PCDHA9: variants seen among roughly 807,000 people sequenced by gnomAD.
PCDHA9 encodes the protein protocadherin alpha-9.
A neutral mutation model predicts 62.0 loss-of-function variants in PCDHA9; 62 were observed. The observed-to-expected ratio is 1.00, with a 90% CI of 0.81 to 1.23. The LOEUF (loss-of-function observed/expected upper bound fraction) is 1.23, where lower values mean the gene tolerates loss of function less well. Ranked by LOEUF, PCDHA9 falls within the 50% of genes most tolerant of loss-of-function variation. The pLI is 0.00. For synonymous variants in PCDHA9, 557 were observed against 567.6 expected (o/e 0.98, Z 0.27); for missense variants, 1,205 against 1,249.8 (o/e 0.96, Z 0.54).
Position 141,007,401 on chromosome 5 carries a change from A to G in PCDHA9, c.2543-2226A>G, listed in dbSNP as rs981008239. On this transcript the variant is annotated intron_variant, in intron 3 of 3. Coordinates refer to ENST00000532602, the MANE Select transcript of PCDHA9 (RefSeq NM_031857.2). Reference sequence around the variant, plus strand: ...CACCATCTCTACTAAAATACAAAAAAAAAAAAAAAAAAAAAAATTAGCCAG... The same window carrying G: ...CACCATCTCTACTAAAATACAAAAAGAAAAAAAAAAAAAAAAATTAGCCAG... Among the ~76,000 whole-genome samples the G allele has an allele frequency of 7.4e-4, 110 of 149,582 alleles. 1 individual carries two copies. Among genetic ancestry groups the G allele is most frequent in the Non-Finnish European group, 9.7e-4 (65 of 67,302 alleles).
chr5:140,850,279 G>A lies in PCDHA9; in HGVS notation c.1784G>A (p.Arg595His), dbSNP rs140634296. The change falls in exon 1 of 4, where the codon CGC becomes CAC. Residue 595 changes from arginine to histidine, a missense_variant. This residue lies in a region of PCDHA9 where 887 missense variants were observed against 809.5 expected (regional missense o/e 1.10). Coordinates refer to ENST00000532602, the MANE Select transcript of PCDHA9 (RefSeq NM_031857.2). ...GCCGGCGTAGTGGTGGGGAAGGTGC[G>A]CGCAGTGGACGCCGACTCGGGCTAC... ...VGAGVVVGKV[R>H]AVDADSGYNA... The A allele has an allele frequency of 3.4e-5, 54 of 1,595,452 alleles. 4 individuals carry two copies. The highest frequency in any genetic ancestry group is 4.5e-5 in the Non-Finnish European group (53 of 1,167,590).
chr5:141,000,615 A>G (rs2097951954), intron 3 of PCDHA9, among the ~76,000 whole-genome samples: 1 of 150,870 alleles, frequency 6.6e-6, no homozygotes, highest in South Asian at 2.1e-4. Context: ...TTTAGTAGAG[A>G]CAGGGTTTCA....
chr5:140,859,450 G>T, intron 1 of PCDHA9: 1 of 220,914 alleles, frequency 4.5e-6, no homozygotes, highest in Non-Finnish European at 8.7e-6. Context: ...TAGTTGCAGA[G>T]TGACAAAACT....
chr5:140,848,947 G>T lies in PCDHA9; in HGVS notation c.452G>T (p.Arg151Leu), dbSNP rs201305186. ...FIAESRPLDS[R>L]FPLEGASDAD... ...GCGGAATCCAGGCCGCTTGACTCTC[G>T]GTTTCCACTAGAGGGCGCGTCCGAT... is the stretch of plus-strand genomic sequence containing the variant. The change falls in exon 1 of 4, where the codon CGG becomes CTG. Residue 151 changes from arginine to leucine, a missense_variant. By Grantham distance (102) the Arg-to-Leu change is moderately radical. Coordinates refer to ENST00000532602, the MANE Select transcript of PCDHA9 (RefSeq NM_031857.2). 2.7e-4 allele frequency: 426 copies of T among 1,606,834 alleles called. 2 individuals are homozygous for T. The highest frequency in any genetic ancestry group is 3.5e-4 in the Non-Finnish European group (408 of 1,176,678).
chr5:140,882,438 C>A lies in PCDHA9; in HGVS notation c.2394+31549C>A, dbSNP rs782795158. On this transcript the variant is annotated intron_variant, in intron 1 of 3. Coordinates refer to ENST00000532602, the MANE Select transcript of PCDHA9 (RefSeq NM_031857.2). ...GCTCAGGACCTGGGGCTGGAGCTGG[C>A]GGAGCTGGTGCCGCGCCTGTTCCGG... 3.1e-6 allele frequency: 5 copies of A among 1,613,902 alleles called. No individual in the cohort carries two copies. In the Admixed American group the frequency reaches 5.0e-5, roughly 16 times the overall value.
chr5:140,997,559 T>C (rs550494855), intron 3 of PCDHA9, among the ~76,000 whole-genome samples: 9 of 152,148 alleles, frequency 5.9e-5, no homozygotes, highest in Non-Finnish European at 1.3e-4. Context: ...ACAGGACAAC[T>C]GTCATATGTG....
chr5:140,992,017 C>CTG (rs10602499), intron 3 of PCDHA9, among the ~76,000 whole-genome samples: 19,643 of 145,468 alleles, frequency 0.14, 1,328 homozygotes, highest in East Asian at 0.18. Flanking sequence ...AGAGGTGGCT[C>CTG]TGTGTGTGTG....
chr5:140,848,761 G>C lies in PCDHA9; in HGVS notation c.266G>C (p.Arg89Pro), dbSNP rs200597765. 1.3e-5 allele frequency: 21 copies of C among 1,593,458 alleles called. No individual in the cohort carries two copies. In the South Asian group the frequency reaches 2.2e-4, roughly 17 times the overall value. Residue 89 changes from arginine (R) to proline (P), a missense_variant, in exon 1 of 4, where the codon CGG becomes CCG. Coordinates refer to ENST00000532602, the MANE Select transcript of PCDHA9 (RefSeq NM_031857.2). The part of the protein sequence containing the change: ...LQNGILFVNS[R>P]IDREELCGRS... Reference sequence around the variant, plus strand: ...AATGGCATTTTGTTTGTGAATTCTCGGATCGACCGCGAGGAGCTGTGCGGG... The same window carrying C: ...AATGGCATTTTGTTTGTGAATTCTCCGATCGACCGCGAGGAGCTGTGCGGG...
At chr5:140,856,818 A>G in intron 1 of PCDHA9, 1 of 1,593,074 alleles carries the variant, frequency 6.3e-7, no homozygotes, top group Non-Finnish European at 8.6e-7. Flanking sequence ...CAAGTGAACC[A>G]AACATTAGTA....
At chr5:140,901,278 A>AT (rs1554189713) in intron 1 of PCDHA9, among the ~76,000 whole-genome samples, 2 of 152,102 alleles carry the variant, frequency 1.3e-5, no homozygotes, top group Non-Finnish European at 2.9e-5. Context: ...TACTCAAGAA[A>AT]TTTTTGCCCA....
chr5:141,003,684 A>C (rs1425078507), intron 3 of PCDHA9, among the ~76,000 whole-genome samples: 1 of 152,240 alleles, frequency 6.6e-6, no homozygotes, highest in Non-Finnish European at 1.5e-5. Flanking sequence ...TTCTGATTTT[A>C]AAATATATCC....
intron 1 of PCDHA9, chr5:140,853,184 T>G (rs1229624873): frequency 1.0e-6 from 1 of 977,906 alleles, no homozygotes; most frequent in East Asian, 1.1e-4. Context: ...TGGCCTAAAA[T>G]GTGTTCTTTA....
rs145919251 is a variant in PCDHA9, at chr5:140,979,502, C to T, written c.2453+495C>T. On this transcript the variant is annotated intron_variant, in intron 2 of 3. Coordinates refer to ENST00000532602, the MANE Select transcript of PCDHA9 (RefSeq NM_031857.2). Reference sequence around the variant, plus strand: ...GTGTTCACACCTATTAGAGCCTCCTCATCTTTCCCATCTGTTGCTATCTTA... The same window carrying T: ...GTGTTCACACCTATTAGAGCCTCCTTATCTTTCCCATCTGTTGCTATCTTA... 1.1e-3 allele frequency among the ~76,000 whole-genome samples: 170 copies of T among 152,258 alleles called. 4 individuals are homozygous for T. In the East Asian group the frequency reaches 0.028, roughly 25 times the overall value.
intron 1 of PCDHA9, chr5:140,883,741 C>T (rs2153397240): frequency 6.2e-7 from 1 of 1,613,386 alleles, no homozygotes; most frequent in Non-Finnish European, 8.5e-7. Context: ...CGCTGGTCTC[C>T]TACTCGCTGG....
chr5:140,867,619 C>T (rs1554161426), intron 1 of PCDHA9: 3 of 152,174 alleles, frequency 2.0e-5, no homozygotes, highest in South Asian at 4.1e-4. Flanking sequence ...AACTATAGAA[C>T]AAAATATTTA....
At chr5:140,913,028 T>C (rs1483903035) in intron 1 of PCDHA9, among the ~76,000 whole-genome samples, 1 of 152,232 alleles carries the variant, frequency 6.6e-6, no homozygotes, top group Non-Finnish European at 1.5e-5. Flanking sequence ...TCAATATTCA[T>C]CAGATATATT....
rs781902121 is a variant in PCDHA9 at position 140,870,112 on chromosome 5, G to A, written c.2394+19223G>A. The A allele has an allele frequency of 1.2e-6, 2 of 1,613,938 alleles. No individual in the cohort carries two copies. The highest frequency in any genetic ancestry group is 8.5e-7 in the Non-Finnish European group (1 of 1,179,896). ...AATGGCAGGTCACTGTACAGTCTGG[G>A]TGGAAATCTTGGACACCAACGATAA... On this transcript the variant is annotated intron_variant, in intron 1 of 3. Coordinates refer to ENST00000532602, the MANE Select transcript of PCDHA9 (RefSeq NM_031857.2).
intron 1 of PCDHA9, among the ~76,000 whole-genome samples, chr5:140,969,974 A>G (rs11750201): frequency 0.017 from 2,514 of 152,228 alleles, 25 homozygotes; most frequent in Middle Eastern, 0.037. Flanking sequence ...TGATGTGGCA[A>G]CTCTTCTGTA....
intron 3 of PCDHA9, among the ~76,000 whole-genome samples, chr5:140,985,892 A>G (rs2097176300): frequency 1.3e-5 from 2 of 151,830 alleles, no homozygotes; most frequent in Non-Finnish European, 2.9e-5. Flanking sequence ...GGCGCCCGCC[A>G]CCACTCCCGT....
Sources: allele counts gnomAD v4.1 joint callset (sites outside exome capture counted in the v4.1 genomes callset), GRCh38; gene constraint gnomAD v4.1.1; regional missense constraint gnomAD v4.1.1; transcripts MANE v1.5; gene names NCBI Gene and HGNC (gene_info 2026-07-23, HGNC 2026-07-21).